PRKCB: variants seen among roughly 807,000 people sequenced by gnomAD.
PRKCB encodes protein kinase C beta.
A neutral mutation model predicts 81.5 loss-of-function variants in PRKCB; 13 were observed. That is an observed-to-expected ratio of 0.16 (90% CI 0.10 to 0.25). PRKCB has a LOEUF of 0.25. PRKCB is among the 10% of genes least tolerant of loss of function. The pLI is 1.00. For missense variants in PRKCB, 509 were observed against 875.7 expected (o/e 0.58, Z 5.29); for synonymous variants, 335 against 321.4 (o/e 1.04, Z -0.45).
At chr16:24,135,901 T>C (rs1301485262) in intron 9 of PRKCB, among the ~76,000 whole-genome samples, 4 of 152,176 alleles carry the variant, frequency 2.6e-5, no homozygotes, top group African/African-American at 9.7e-5. Context: ...TGAGTTCCTT[T>C]ATCATATGGT....
chr16:24,182,149 C>T (rs1967636197), intron 13 of PRKCB, among the ~76,000 whole-genome samples: 1 of 152,136 alleles, frequency 6.6e-6, no homozygotes, highest in Admixed American at 6.5e-5. Flanking sequence ...AACACAACTT[C>T]CTGATAGGCC....
chr16:24,006,810 G>A (rs1341934101), intron 3 of PRKCB, among the ~76,000 whole-genome samples: 1 of 146,672 alleles, frequency 6.8e-6, no homozygotes, highest in African/African-American at 2.6e-5. Context: ...TTTCAAAGGA[G>A]AATCGAAGTA....
intron 5 of PRKCB, among the ~76,000 whole-genome samples, chr16:24,082,863 A>C (rs1025648243): frequency 6.6e-6 from 1 of 152,190 alleles, no homozygotes; most frequent in Admixed American, 6.5e-5. Flanking sequence ...ATTGTACTTT[A>C]TTAAAGTTTA....
chr16:24,117,454 T>G (rs62027455), intron 8 of PRKCB, among the ~76,000 whole-genome samples: 2,599 of 152,308 alleles, frequency 0.017, 25 homozygotes, highest in Middle Eastern at 0.044. Context: ...ACAAAGTGCT[T>G]ACTGTGTGCC....
chr16:23,869,605 T>C (rs1253119513), intron 2 of PRKCB, among the ~76,000 whole-genome samples: 1 of 152,240 alleles, frequency 6.6e-6, no homozygotes, highest in Non-Finnish European at 1.5e-5. Flanking sequence ...TAAATAAATC[T>C]TTTTCTACCA....
chr16:24,053,830 G>C (rs1965871708), intron 5 of PRKCB, among the ~76,000 whole-genome samples: 1 of 152,220 alleles, frequency 6.6e-6, no homozygotes, highest in Non-Finnish European at 1.5e-5. Flanking sequence ...GCAAGTCAAG[G>C]GAAGGGAGCA....
At chr16:23,867,638 A>G (rs944817841) in intron 2 of PRKCB, among the ~76,000 whole-genome samples, 2 of 152,194 alleles carry the variant, frequency 1.3e-5, no homozygotes, top group South Asian at 2.1e-4. Flanking sequence ...CTTTAGTGCC[A>G]TAAGGGAATG....
At position 24,008,674 on chromosome 16, in the gene PRKCB, A is replaced by G. The variant is rs1965161556; in HGVS notation, c.288+20084A>G. Among the ~76,000 whole-genome samples, 5 of 151,710 alleles carry G rather than the reference A, an allele frequency of 3.3e-5. No individual in the cohort carries two copies. In the South Asian group the frequency reaches 1.0e-3, roughly 32 times the overall value. On this transcript the variant is annotated intron_variant, in intron 3 of 16. Transcript: ENST00000643927. Reference sequence around the variant, plus strand: ...TTTGGCTGCTTTTCCCCCCACCCCCAGTGATCTATTTTATTTTATTTTGGA... The same window carrying G: ...TTTGGCTGCTTTTCCCCCCACCCCCGGTGATCTATTTTATTTTATTTTGGA...
At position 23,952,281 on chromosome 16, in the gene PRKCB, C is replaced by T. The variant is rs1441912771; in HGVS notation, c.206-36227C>T. Among the ~76,000 whole-genome samples the T allele has an allele frequency of 2.6e-5, 4 of 152,280 alleles. No individual in the cohort carries two copies. In the South Asian group the frequency reaches 8.3e-4, roughly 32 times the overall value. Reference sequence around the variant, plus strand: ...GCCCCCCTCATTCCAAGAGAGCCTCCGCCTCTTTGAGCAGGCACAGTGAAG... The same window carrying T: ...GCCCCCCTCATTCCAAGAGAGCCTCTGCCTCTTTGAGCAGGCACAGTGAAG... On this transcript the variant is annotated intron_variant, in intron 2 of 16. Transcript: ENST00000643927.
At chr16:24,212,193 C>T (rs1250070141) in intron 16 of PRKCB, among the ~76,000 whole-genome samples, 1 of 152,112 alleles carries the variant, frequency 6.6e-6, no homozygotes, top group East Asian at 1.9e-4. Flanking sequence ...ATACTGTTCT[C>T]TCCTGGTTCT....
intron 2 of PRKCB, among the ~76,000 whole-genome samples, chr16:23,957,614 C>T (rs547643026): frequency 9.9e-5 from 15 of 152,240 alleles, no homozygotes; most frequent in South Asian, 6.2e-4. Flanking sequence ...CTGAGTCTCT[C>T]GTCTGTTCCT....
chr16:24,135,042 G>A (rs1966860337), intron 9 of PRKCB, among the ~76,000 whole-genome samples: 1 of 151,574 alleles, frequency 6.6e-6, no homozygotes, highest in Non-Finnish European at 1.5e-5. Context: ...ATTAAAACAT[G>A]TACTTCCACC....
At chr16:24,006,345 G>T (rs1185064468) in intron 3 of PRKCB, among the ~76,000 whole-genome samples, 1 of 152,216 alleles carries the variant, frequency 6.6e-6, no homozygotes, top group African/African-American at 2.4e-5. Context: ...TAAAGGAGAA[G>T]TAGGACTGAG....
chr16:24,033,533 G>A (rs982471437), intron 4 of PRKCB, among the ~76,000 whole-genome samples: 7 of 152,030 alleles, frequency 4.6e-5, no homozygotes, highest in Non-Finnish European at 1.0e-4. Context: ...AGGCTGAGGC[G>A]GGTGGATCAC....
intron 2 of PRKCB, among the ~76,000 whole-genome samples, chr16:23,844,501 C>G (rs1962329486): frequency 2.0e-5 from 3 of 152,138 alleles, no homozygotes; most frequent in African/African-American, 7.2e-5. Flanking sequence ...TCACTCCATT[C>G]TCCTTCTAAA....
At chr16:23,928,961 C>T (rs926206289) in intron 2 of PRKCB, among the ~76,000 whole-genome samples, 1 of 152,088 alleles carries the variant, frequency 6.6e-6, no homozygotes, top group Non-Finnish European at 1.5e-5. Context: ...TCGTGATCCG[C>T]CCGCCTCGGC....
At chr16:23,871,479 G>T (rs894806039) in intron 2 of PRKCB, among the ~76,000 whole-genome samples, 4 of 152,124 alleles carry the variant, frequency 2.6e-5, no homozygotes, top group African/African-American at 9.7e-5. Context: ...GCATTAGTCG[G>T]ATCCTTCCCA....
In PRKCB at chr16:23,973,640, C is replaced by T. The variant is rs956919792; in HGVS notation, c.206-14868C>T. Reference sequence around the variant, plus strand: ...TGAGCATGTTAAACCTAGATTGGCACGTCAGGACAGAAGTGATATTTAATC... The same window carrying T: ...TGAGCATGTTAAACCTAGATTGGCATGTCAGGACAGAAGTGATATTTAATC... On this transcript the variant is annotated intron_variant, in intron 2 of 16. Transcript: ENST00000643927. Among the ~76,000 whole-genome samples, 13 of 152,110 alleles carry T rather than the reference C, an allele frequency of 8.5e-5. No homozygotes were observed. In the South Asian group the frequency reaches 1.5e-3, roughly 17 times the overall value.
chr16:24,172,407 AGGTTAGT>A, intron 11 of PRKCB, 46 bp downstream of exon 11: 1 of 1,541,220 alleles, frequency 6.5e-7, no homozygotes, highest in Non-Finnish European at 8.9e-7. Flanking sequence ...ATAAATGGGT[AGGTTAGT>A]GGTTCCTTTG....
Sources: gnomAD v4.1 joint callset for allele counts (sites outside exome capture counted in the v4.1 genomes callset) on GRCh38, gnomAD v4.1.1 for gene constraint, MANE v1.5 for transcripts, NCBI Gene and HGNC (gene_info 2026-07-23, HGNC 2026-07-21) for gene names.